The following MORN1 variants were observed in gnomAD, a reference collection of about 807,000 sequenced individuals.
MORN1 encodes MORN repeat containing 1.
MORN1 carries 67 observed loss-of-function variants against 61.9 expected under a neutral mutation model. The ratio of observed to expected loss-of-function variants is 1.08; its 90% CI spans 0.89 to 1.33. The LOEUF is 1.33. Ranked by LOEUF, MORN1 falls within the 40% of genes most tolerant of loss-of-function variation. The pLI, the probability that MORN1 is intolerant of heterozygous loss-of-function variation, is 0.00. For missense variants in MORN1, 752 were observed against 691.2 expected, an observed-to-expected ratio of 1.09 and a Z score of -0.99; for synonymous variants, 301 against 292.0, an observed-to-expected ratio of 1.03 and a Z score of -0.31.
intron 8 of MORN1, among the ~76,000 whole-genome samples, chr1:2,367,976 A>G (rs1433774616): frequency 6.6e-5 from 10 of 152,166 alleles, no homozygotes. Flanking sequence ...AATCTCCATG[A>G]CTCCAGACTA....
rs559649451 is a variant in MORN1 at position 2,321,811 on chromosome 1, G to A, written c.1298-232C>T. On this transcript the variant is annotated intron_variant, in intron 13 of 13. Coordinates refer to ENST00000378531, the MANE Select transcript of MORN1 (RefSeq NM_024848.3). ...GGTGAATAAACTAATTTGGGGTAAA[G>A]GAAACCACCTCTGACCTCAGGCCAC... is the stretch of plus-strand genomic sequence containing the variant. 9.8e-4 allele frequency among the ~76,000 whole-genome samples: 149 copies of A among 152,226 alleles called. 3 individuals are homozygous for A. Among genetic ancestry groups the A allele is most frequent in the Admixed American group, 7.1e-3 (109 of 15,286 alleles).
intron 13 of MORN1, 35 bp from the exon 14 acceptor site, chr1:2,321,614 T>C (rs1216982041): frequency 6.9e-7 from 1 of 1,439,744 alleles, no homozygotes. Flanking sequence ...CTCAGCAGGC[T>C]CCTGTCCCTT....
At chr1:2,336,408 G>A in intron 12 of MORN1, 61 bp downstream of exon 12, 2 of 1,537,316 alleles carry the variant, frequency 1.3e-6, no homozygotes, top group Non-Finnish European at 1.8e-6. Context: ...TCCTGGCCCA[G>A]CTGATGAGGA....
intron 8 of MORN1, among the ~76,000 whole-genome samples, chr1:2,364,087 T>C (rs1395485576): frequency 6.6e-6 from 1 of 151,984 alleles, no homozygotes; most frequent in Non-Finnish European, 1.5e-5. Flanking sequence ...ATAGGCAGGT[T>C]AAAAGTAAAA....
intron 6 of MORN1, among the ~76,000 whole-genome samples, chr1:2,380,258 G>A (rs543490167): frequency 2.0e-5 from 3 of 152,312 alleles, no homozygotes; most frequent in South Asian, 2.1e-4. Flanking sequence ...ACAGAGGTTC[G>A]GGTGGGAAGC....
intron 6 of MORN1, among the ~76,000 whole-genome samples, chr1:2,380,547 G>T (rs765002940): frequency 3.3e-5 from 5 of 152,230 alleles, no homozygotes; most frequent in Non-Finnish European, 5.9e-5. Flanking sequence ...TAGTGTTTTG[G>T]TTTTTTATTT....
chr1:2,323,971 C>T, intron 13 of MORN1, 126 bp downstream of exon 13: 2 of 1,456,744 alleles, frequency 1.4e-6, no homozygotes, highest in Non-Finnish European at 1.8e-6. Flanking sequence ...AGTCCCCCAC[C>T]CACTGCCACC....
At chr1:2,368,809 A>G (rs889101752) in intron 8 of MORN1, among the ~76,000 whole-genome samples, 6 of 152,214 alleles carry the variant, frequency 3.9e-5, no homozygotes, top group Admixed American at 3.3e-4. Flanking sequence ...TTGTAATCCC[A>G]GCACTTTGGG....
At chr1:2,355,346 G>A in intron 10 of MORN1, 1 of 1,522,390 alleles carries the variant, frequency 6.6e-7, no homozygotes, top group Non-Finnish European at 8.9e-7. Context: ...GCCGGGCCCT[G>A]CTGCCCCACC....
At chr1:2,339,513 C>T (rs1418928634) in intron 10 of MORN1, among the ~76,000 whole-genome samples, 4 of 152,294 alleles carry the variant, frequency 2.6e-5, no homozygotes, top group African/African-American at 4.8e-5. Context: ...GCCTCGTTGC[C>T]CCTGCACCAT....
chr1:2,388,443 A>G (rs1642557591), intron 2 of MORN1, 106 bp from the exon 3 acceptor site: 4 of 860,410 alleles, frequency 4.6e-6, no homozygotes, highest in Non-Finnish European at 7.7e-6. Context: ...TTGGCTTCAA[A>G]ACTTGTGTTT....
intron 10 of MORN1, among the ~76,000 whole-genome samples, chr1:2,338,322 C>T (rs1330620859): frequency 1.3e-5 from 2 of 152,200 alleles, no homozygotes; most frequent in Non-Finnish European, 2.9e-5. Flanking sequence ...AACTGACATC[C>T]TTCTCCCAGC....
At chr1:2,335,846 C>CCCAGCCCGGCCCAGCCCAGCCCA (rs370659459) in intron 12 of MORN1, among the ~76,000 whole-genome samples, 1 of 149,930 alleles carries the variant, frequency 6.7e-6, no homozygotes, top group African/African-American at 2.5e-5. Flanking sequence ...CCCAGCCCAG[C>CCCAGCCCGGCCCAGCCCAGCCCA]GCGCAGCTGC....
intron 12 of MORN1, among the ~76,000 whole-genome samples, chr1:2,330,202 G>A (rs975982386): frequency 6.6e-6 from 1 of 152,232 alleles, no homozygotes; most frequent in African/African-American, 2.4e-5. Context: ...CAGCGTGCTG[G>A]CCAGGACTCA....
Position 2,343,699 on chromosome 1 carries a change from C to A in MORN1, c.1037-6849G>T, listed in dbSNP as rs4648829. Among the ~76,000 whole-genome samples the A allele has an allele frequency of 2.0e-5, 3 of 152,114 alleles. No individual in the cohort carries two copies. The East Asian group carries it at 5.8e-4, about 29-fold the overall frequency. On this transcript the variant is annotated intron_variant, in intron 10 of 13. Transcript: ENST00000378531. ...GGCTCTCAGATAGACAGAGGCCTCG[C>A]GGAGCCTTGGAAGCAGCTTCACAGG... is the stretch of plus-strand genomic sequence containing the variant.
rs562026119 is a variant in MORN1 at position 2,357,210 on chromosome 1, C to T, written c.1036+222G>A. Among the ~76,000 whole-genome samples the T allele has an allele frequency of 5.3e-5, 8 of 152,294 alleles. No homozygotes were observed. Among genetic ancestry groups the T allele is most frequent in the African/African-American group, 1.9e-4 (8 of 41,562 alleles). On this transcript the variant is annotated intron_variant, in intron 10 of 13. Transcript: ENST00000378531. The surrounding 1 kb of genome is among the most constrained non-coding windows in gnomAD (Gnocchi z 6.3). The stretch of plus-strand genomic sequence containing the variant: ...GAGGCTGCAGCCCCTGCCAGGCTCA[C>T]GGCAGACGAACAATCGGCTTGAGCC...
At chr1:2,326,325 C>T (rs897337151) in intron 12 of MORN1, 2 of 152,110 alleles carry the variant, frequency 1.3e-5, no homozygotes, top group African/African-American at 4.8e-5. Flanking sequence ...AATTCAGCAC[C>T]GAGAAGAACT....
At chr1:2,335,458 C>T (rs2100250630) in intron 12 of MORN1, among the ~76,000 whole-genome samples, 1 of 152,328 alleles carries the variant, frequency 6.6e-6, no homozygotes. Context: ...CTGGGGATGC[C>T]TGGAGCCCTC....
intron 7 of MORN1, 70 bp downstream of exon 7, chr1:2,374,391 G>T: frequency 7.2e-7 from 1 of 1,390,946 alleles, no homozygotes; most frequent in Non-Finnish European, 1.0e-6. Context: ...TTCCCATATG[G>T]CTGCCCGGGG....
Sources: gnomAD v4.1 joint callset for allele counts (sites outside exome capture counted in the v4.1 genomes callset) on GRCh38, gnomAD v4.1.1 for gene constraint, Gnocchi (gnomAD v3.1) non-coding constraint, MANE v1.5 for transcripts, NCBI Gene and HGNC (gene_info 2026-07-23, HGNC 2026-07-21) for gene names.